The following ABCC3 variants were observed in gnomAD, a reference collection of about 807,000 sequenced individuals.
ABCC3 encodes ATP binding cassette subfamily C member 3.
A neutral mutation model predicts 165.3 loss-of-function variants in ABCC3; 121 were observed. The ratio of observed to expected loss-of-function variants is 0.73; its 90% confidence interval spans 0.63 to 0.85. ABCC3 has a LOEUF of 0.85. Among genes scored for constraint, ABCC3 ranks in the 40% least tolerant of loss-of-function variants. ABCC3 has a pLI of 0.00. For synonymous variants in ABCC3, 733 were observed against 810.1 expected (o/e 0.90, Z 1.62); for missense variants, 1,869 against 1,964.1 (o/e 0.95, Z 0.92).
chr17:50,673,438 T>C, intron 18 of ABCC3, 31 bp from the exon 19 acceptor site: 1 of 1,606,558 alleles, frequency 6.2e-7, no homozygotes, highest in Non-Finnish European at 8.5e-7. Flanking sequence ...TGGAGGGTGG[T>C]AGGGGTGAGA....
In ABCC3 at chr17:50,673,050, T is replaced by C. The variant is rs1298327098; in HGVS notation, c.2321T>C (p.Leu774Pro). 3 of 1,614,174 alleles carry C rather than the reference T, an allele frequency of 1.9e-6. No individual in the cohort carries two copies. The highest frequency in any genetic ancestry group is 1.7e-5 in the Admixed American group (1 of 60,016). ...AVYSDADIFL[L>P]DDPLSAVDSH... is the part of the protein sequence containing the mutation. ...TACAGTGATGCCGATATTTTCTTGC[T>C]GGATGACCCACTGTCCGCGGTGGAC... Residue 774 changes from leucine to proline, a missense_variant, in exon 18 of 31, where the codon CTG becomes CCG. By Grantham distance (98) the Leu-to-Pro change is moderately conservative. Coordinates refer to ENST00000285238, the MANE Select transcript of ABCC3 (RefSeq NM_003786.4).
chr17:50,647,798 G>T (rs1350114959), intron 1 of ABCC3, among the ~76,000 whole-genome samples: 1 of 152,232 alleles, frequency 6.6e-6, no homozygotes, highest in Admixed American at 6.5e-5. Context: ...AGCACTTTGG[G>T]AGGCCAAGGC....
intron 1 of ABCC3, among the ~76,000 whole-genome samples, chr17:50,640,989 C>T (rs559295604): frequency 6.6e-6 from 1 of 152,324 alleles, no homozygotes; most frequent in African/African-American, 2.4e-5. Flanking sequence ...TCCAGTACCA[C>T]ACAGGAATAG....
At position 50,687,825 on chromosome 17, in the gene ABCC3, A is replaced by G. The variant is rs534698197; in HGVS notation, c.4475+95A>G. 33 of 1,308,398 alleles carry G rather than the reference A, an allele frequency of 2.5e-5. No individual in the cohort carries two copies. The African/African-American group carries it at 3.6e-4, about 14-fold the overall frequency. 81.0% of individuals were successfully genotyped at this position (1,308,398 alleles called of 1,614,324 possible). A position where few individuals can be genotyped will look rare whatever the true frequency, so the allele number is the denominator to read the frequency against. ...AGATTAGGGTTATCTGAACAAGGCA[A>G]TGTTCCTGGGATTGCTAGGGCATGG... On this transcript the variant is annotated intron_variant, in intron 30 of 30. Transcript: ENST00000285238.
At chr17:50,673,801 G>A (rs1452724154) in intron 19 of ABCC3, 143 bp downstream of exon 19, 4 of 785,932 alleles carry the variant, frequency 5.1e-6, no homozygotes, top group South Asian at 3.6e-5. Flanking sequence ...AGTCACCAGA[G>A]GTAAAGTAAA....
intron 17 of ABCC3, among the ~76,000 whole-genome samples, chr17:50,671,258 TTAAAAAAAAAAA>T (rs1967640561): frequency 6.7e-6 from 1 of 149,338 alleles, no homozygotes; most frequent in Non-Finnish European, 1.5e-5. Flanking sequence ...AGACTCTGTC[TTAAAAAAAAAAA>T]AAAGAAAAAA....
chr17:50,683,546 G>C, intron 26 of ABCC3, 64 bp from the exon 27 acceptor site: 1 of 1,469,704 alleles, frequency 6.8e-7, no homozygotes, highest in Non-Finnish European at 9.0e-7. Context: ...GGGGGAGAGA[G>C]ACCGAAAGGT....
rs11568608 is a variant in ABCC3 at position 50,668,467 on chromosome 17, G to C, written c.1820G>C (p.Ser607Thr). The C allele has an allele frequency of 1.2e-6, 2 of 1,613,856 alleles. No individual in the cohort carries two copies. Among genetic ancestry groups the C allele is most frequent in the Non-Finnish European group, 1.7e-6 (2 of 1,179,958 alleles). Residue 607 changes from serine (S) to threonine (T), a missense_variant, in exon 14 of 31, where the codon AGC (serine) becomes ACC (threonine). Transcript: ENST00000285238. ...VSLKRIQQFL[S>T]QEELDPQSVE... ...CTGAAACGGATCCAGCAATTCCTGA[G>C]CCAAGAGGAACTTGACCCCCAGAGT... is the stretch of plus-strand genomic sequence containing the variant.
At chr17:50,645,246 C>T (rs192373830) in intron 1 of ABCC3, among the ~76,000 whole-genome samples, 51 of 149,088 alleles carry the variant, frequency 3.4e-4, no homozygotes, top group African/African-American at 1.1e-3. Context: ...TGGTGGTGCA[C>T]GCCCGTAATC....
chr17:50,684,654 A>G (rs1402442102), intron 28 of ABCC3, 55 bp from the exon 29 acceptor site: 2 of 1,562,480 alleles, frequency 1.3e-6, no homozygotes, highest in Admixed American at 3.7e-5. Context: ...CCTGGGGCCT[A>G]TGGCTCCTCA....
intron 1 of ABCC3, chr17:50,635,301 G>T: frequency 1.6e-6 from 1 of 626,872 alleles, no homozygotes. Context: ...CTCCATCCCA[G>T]CCCCTCCGTC....
Position 50,660,917 on chromosome 17 carries a change from G to A in ABCC3, c.807-6G>A, listed in dbSNP as rs1012958840. On this transcript the variant is annotated splice_polypyrimidine_tract_variant and splice_region_variant and intron_variant, in intron 7 of 30. Coordinates refer to ENST00000285238, the MANE Select transcript of ABCC3 (RefSeq NM_003786.4). ...CTAACCCACTGCTCCTTCCTCCCTG[G>A]ACCAGACACAAGGCTTCAGCAGCAC... The A allele has an allele frequency of 2.5e-6, 4 of 1,588,488 alleles. No individual in the cohort carries two copies. Among genetic ancestry groups the A allele is most frequent in the Non-Finnish European group, 2.6e-6 (3 of 1,167,866 alleles).
rs145577303 is a variant in ABCC3 at position 50,658,456 on chromosome 17, G to A, written c.634G>A (p.Ala212Thr). 149 of 1,614,140 alleles carry A rather than the reference G, an allele frequency of 9.2e-5. 2 individuals are homozygous for A. Among genetic ancestry groups the A allele is most frequent in the Middle Eastern group, 3.3e-4 (2 of 6,062 alleles). The change falls in exon 6 of 31, where the codon GCT (alanine) becomes ACT (threonine). Residue 212 changes from alanine to threonine, a missense_variant. Ala to Thr is a moderately conservative substitution (Grantham distance 58). Transcript: ENST00000285238. ...VDPNPYPETS[A>T]GFLSRLFFWW... ...CTAGAACCCCTACCCTGAGACCAGC[G>A]CTGGCTTTCTCTCCCGCCTGTTTTT...
chr17:50,667,700 C>T lies in ABCC3; in HGVS notation c.1578C>T (p.Arg526=), dbSNP rs1224418508. The change falls in exon 12 of 31, where the codon CGC becomes CGT. Residue 526 remains arginine (R), a synonymous_variant. Transcript: ENST00000285238. ...GIRQGELQLL[R]TAAYLHTTTT... ...GGCAGGGTGAGCTCCAGCTGCTGCG[C>T]ACGGCGGCCTACCTCCACACCACAA... The T allele has an allele frequency of 1.5e-5, 25 of 1,614,116 alleles. No individual in the cohort carries two copies. Among genetic ancestry groups the T allele is most frequent in the Non-Finnish European group, 2.1e-5 (25 of 1,180,036 alleles).
At chr17:50,656,668 G>A in intron 2 of ABCC3, 34 bp from the exon 3 acceptor site, 2 of 1,592,588 alleles carry the variant, frequency 1.3e-6, no homozygotes, top group Non-Finnish European at 1.7e-6. Context: ...CTTGCCTCTG[G>A]GGATGCGGAT....
intron 11 of ABCC3, among the ~76,000 whole-genome samples, chr17:50,665,666 C>T (rs1597852450): frequency 6.6e-6 from 1 of 150,928 alleles, no homozygotes; most frequent in African/African-American, 2.4e-5. Context: ...AATGCAGTGG[C>T]ATGATCTCGG....
rs376545806 is a variant in ABCC3 at position 50,691,048 on chromosome 17, T to G, written c.4476-44T>G. 360 of 1,503,646 alleles carry G rather than the reference T, an allele frequency of 2.4e-4. 1 individual carries two copies. Among genetic ancestry groups the G allele is most frequent in the Non-Finnish European group, 2.9e-4 (316 of 1,080,956 alleles). 93.1% of individuals were successfully genotyped at this position (1,503,646 alleles called of 1,614,324 possible). ...AGCAGGATTAGACGATGTGACCAGGTCAGGGCTGATGGAAACCTGACCACT... is the reference window on the plus strand; with the variant it reads ...AGCAGGATTAGACGATGTGACCAGGGCAGGGCTGATGGAAACCTGACCACT... On this transcript the variant is annotated intron_variant, in intron 30 of 30. Transcript: ENST00000285238.
At position 50,664,131 on chromosome 17, in the gene ABCC3, C is replaced by T. The variant is rs368166225; in HGVS notation, c.1338+20C>T. Reference sequence around the variant, plus strand: ...TGGCAGGTGACTCTCCAACCCTGACCTCTGCCTCCTTCCTCTGACATGCTG... The same window carrying T: ...TGGCAGGTGACTCTCCAACCCTGACTTCTGCCTCCTTCCTCTGACATGCTG... On this transcript the variant is annotated intron_variant, in intron 10 of 30. Coordinates refer to ENST00000285238, the MANE Select transcript of ABCC3 (RefSeq NM_003786.4). 2 of 1,612,686 alleles carry T rather than the reference C, an allele frequency of 1.2e-6. No individual in the cohort carries two copies. The highest frequency in any genetic ancestry group is 1.1e-5 in the South Asian group (1 of 91,056).
chr17:50,663,090 G>T, intron 8 of ABCC3: 1 of 152,518 alleles, frequency 6.6e-6, no homozygotes. Flanking sequence ...AGGAGTTTGT[G>T]GGTGGCAGGG....
Sources: gnomAD v4.1 joint callset for allele counts (sites outside exome capture counted in the v4.1 genomes callset) on GRCh38, gnomAD v4.1.1 for gene constraint, MANE v1.5 for transcripts, NCBI Gene and HGNC (gene_info 2026-07-23, HGNC 2026-07-21) for gene names.